BEST3: variants seen among roughly 807,000 people sequenced by gnomAD.
BEST3 encodes the protein bestrophin-3.
In BEST3, 50 loss-of-function variants were observed where a neutral mutation model predicts 47.1. That is an observed-to-expected ratio of 1.06 (90% CI 0.85 to 1.34). The LOEUF (loss-of-function observed/expected upper bound fraction) is 1.34. Ranked by LOEUF, BEST3 falls within the 40% of genes most tolerant of loss-of-function variation. The probability of loss-of-function intolerance (pLI) is 0.00; values close to 1 mark genes in which losing one functional copy is unlikely to be tolerated. For synonymous variants in BEST3, 282 were observed against 298.8 expected (o/e 0.94, Z 0.58); for missense variants, 765 against 817.0 (o/e 0.94, Z 0.78).
chr12:69,684,613 AAG>A (rs1161653530), intron 4 of BEST3: 2 of 669,280 alleles, frequency 3.0e-6, no homozygotes, highest in East Asian at 2.7e-5. Flanking sequence ...TTCTTTCTGA[AAG>A]AGAGAGTTGT....
At chr12:69,648,460 G>T (rs963339853) in intron 9 of BEST3, among the ~76,000 whole-genome samples, 1 of 152,302 alleles carries the variant, frequency 6.6e-6, no homozygotes, top group Admixed American at 6.5e-5. Flanking sequence ...CAAGCAAAGG[G>T]CTTCATGTTA....
chr12:69,678,209 G>A (rs369677927), intron 5 of BEST3, among the ~76,000 whole-genome samples: 3 of 144,474 alleles, frequency 2.1e-5, no homozygotes, highest in East Asian at 4.1e-4. Flanking sequence ...GACTGTCATG[G>A]CACAAATATA....
At chr12:69,660,400 C>A (rs1883801508) in intron 9 of BEST3, 1 of 152,256 alleles carries the variant, frequency 6.6e-6, no homozygotes, top group South Asian at 2.1e-4. Flanking sequence ...GGAGATATCA[C>A]TTAACAACAC....
At chr12:69,670,542 A>C (rs1437077476) in intron 9 of BEST3, 1 of 702,766 alleles carries the variant, frequency 1.4e-6, no homozygotes, top group Non-Finnish European at 2.6e-6. Context: ...GGATTAGGAG[A>C]CATTCGGCAA....
chr12:69,648,858 A>G (rs74793652), downstream of BEST3, among the ~76,000 whole-genome samples: 655 of 152,336 alleles, frequency 4.3e-3, 2 homozygotes, highest in African/African-American at 0.015. Context: ...TCCTTTCTAC[A>G]TAAAGTACCA....
chr12:69,689,508 C>T (rs1885827584), intron 4 of BEST3, among the ~76,000 whole-genome samples: 1 of 152,174 alleles, frequency 6.6e-6, no homozygotes, highest in Non-Finnish European at 1.5e-5. Context: ...AAGTAGTTAT[C>T]TTCAAAATTA....
rs1290067473 is a variant in BEST3, at chr12:69,671,433, C to T, written c.1095G>A (p.Gln365=). Residue 365 remains glutamine (Q), a synonymous_variant, in exon 9 of 10, where the codon CAG becomes CAA. Transcript: ENST00000330891. The part of the protein sequence containing the change: ...CIPSFLGSTV[Q]MGLSGSDFPD... ...TTTTTTAAAAATGCACTTACCCCAT[C>T]TGGACTGTTGACCCCAGAAATGAGG... 1.2e-6 allele frequency: 2 copies of T among 1,613,154 alleles called. No individual in the cohort carries two copies. The highest frequency in any genetic ancestry group is 1.7e-6 in the Non-Finnish European group (2 of 1,179,618).
At chr12:69,681,502 T>C (rs1326233326) in intron 4 of BEST3, among the ~76,000 whole-genome samples, 3 of 152,150 alleles carry the variant, frequency 2.0e-5, no homozygotes, top group Non-Finnish European at 2.9e-5. Flanking sequence ...CCAAATTTTA[T>C]TTAAGAGGTA....
chr12:69,647,608 A>G (rs1158458443), intron 9 of BEST3, among the ~76,000 whole-genome samples: 1 of 152,168 alleles, frequency 6.6e-6, no homozygotes, highest in East Asian at 1.9e-4. Flanking sequence ...GGCTCACTCT[A>G]TGGAGAAAAA....
downstream of BEST3, among the ~76,000 whole-genome samples, chr12:69,650,456 T>G (rs188530008): frequency 3.3e-5 from 5 of 152,332 alleles, no homozygotes; most frequent in Admixed American, 1.3e-4. Context: ...GAGGAAATCC[T>G]TGGTTGTTAC....
intron 4 of BEST3, among the ~76,000 whole-genome samples, chr12:69,684,964 A>G (rs1312422990): frequency 6.9e-6 from 1 of 145,580 alleles, no homozygotes; most frequent in Admixed American, 6.8e-5. Context: ...GCCCTGCCAC[A>G]TGATGTGCTT....
At chr12:69,656,105 G>A (rs1006580922) in intron 9 of BEST3, among the ~76,000 whole-genome samples, 1 of 152,106 alleles carries the variant, frequency 6.6e-6, no homozygotes, top group Non-Finnish European at 1.5e-5. Flanking sequence ...ACACAAGCAC[G>A]TACAAGCACA....
chr12:69,655,367 CCT>C lies in BEST3; in HGVS notation c.1545_1546del (p.Gly517LeufsTer4), dbSNP rs1335937925. The C allele has an allele frequency of 6.2e-7, 1 of 1,614,080 alleles. No individual in the cohort carries two copies. Among genetic ancestry groups the C allele is most frequent in the South Asian group, 1.1e-5 (1 of 91,068 alleles). ...GGTAGCGGAATCATGGTGGTAGCCC[CCT>C]GATGTGGGCACTGGTGCTTCGGCTG... On this transcript the variant is annotated frameshift_variant, in exon 10 of 10. Coordinates refer to ENST00000330891, the MANE Select transcript of BEST3 (RefSeq NM_032735.3). LOFTEE classifies it low-confidence loss of function (END_TRUNC).
chr12:69,646,130 G>T (rs974556338), intron 9 of BEST3, among the ~76,000 whole-genome samples: 1 of 152,120 alleles, frequency 6.6e-6, no homozygotes. Flanking sequence ...TAGAGATGGG[G>T]TTTTGCCATG....
At chr12:69,689,319 TGA>T in intron 4 of BEST3, 1 of 954,940 alleles carries the variant, frequency 1.0e-6, no homozygotes, top group Non-Finnish European at 1.2e-6. Context: ...GCGCTGCCGG[TGA>T]CAGCGGGTGC....
intron 2 of BEST3, among the ~76,000 whole-genome samples, chr12:69,694,782 C>T (rs888038144): frequency 6.6e-6 from 1 of 151,992 alleles, no homozygotes; most frequent in Non-Finnish European, 1.5e-5. Flanking sequence ...CAAAATAGTT[C>T]AGTTTTCAAT....
rs374974191 is a variant in BEST3 at position 69,654,135 on chromosome 12, C to T, written c.*772G>A. ...ACACCTTTGATGATTCTGTAGGAGGCTTTGCCAATGTCTTATATTTTGAAA... is the reference window on the plus strand; with the variant it reads ...ACACCTTTGATGATTCTGTAGGAGGTTTTGCCAATGTCTTATATTTTGAAA... On this transcript the variant is annotated 3_prime_UTR_variant, in exon 10 of 10. Transcript: ENST00000330891. 1 of 985,164 alleles carries T rather than the reference C, an allele frequency of 1.0e-6. No homozygotes were observed. The highest frequency in any genetic ancestry group is 1.7e-5 in the African/African-American group (1 of 57,174). The allele number at this position is 985,164 out of a possible 1,614,324, so 61.0% of individuals were successfully genotyped here.
intron 4 of BEST3, among the ~76,000 whole-genome samples, chr12:69,687,894 T>C (rs1172811158): frequency 6.6e-6 from 1 of 152,206 alleles, no homozygotes; most frequent in Admixed American, 6.5e-5. Flanking sequence ...ATTTTACTAA[T>C]CCTTGAGTAT....
chr12:69,655,227 T>A lies in BEST3; in HGVS notation c.1687A>T (p.Ser563Cys), dbSNP rs373625348. ...GCGCTGGCTGAAACTGTCTGGGGACTGGGGCCTCCAGGAGGTGTCTCCTTC... is the reference window on the plus strand; with the variant it reads ...GCGCTGGCTGAAACTGTCTGGGGACAGGGGCCTCCAGGAGGTGTCTCCTTC... ...SEKETPPGGP[S>C]PQTVSASAEE... Residue 563 changes from serine (S) to cysteine (C), a missense_variant, in exon 10 of 10, where the codon AGT becomes TGT. By Grantham distance (112) the Ser-to-Cys change is moderately radical (BLOSUM62 -1). Transcript: ENST00000330891. 6 of 1,614,032 alleles carry A rather than the reference T, an allele frequency of 3.7e-6. No individual in the cohort carries two copies. Among genetic ancestry groups the A allele is most frequent in the African/African-American group, 1.3e-5 (1 of 74,924 alleles).
Sources: gnomAD v4.1 joint callset for allele counts (sites outside exome capture counted in the v4.1 genomes callset) on GRCh38, gnomAD v4.1.1 for gene constraint, MANE v1.5 for transcripts, NCBI Gene and HGNC (gene_info 2026-07-23, HGNC 2026-07-21) for gene names.